Variants in HACE1 observed in about 807,000 individuals in gnomAD.
The protein encoded by HACE1 is E3 ubiquitin-protein ligase HACE1.
In HACE1, 73 loss-of-function variants were observed where a neutral mutation model predicts 118.4. The observed-to-expected ratio is 0.62, with a 90% CI of 0.51 to 0.75. The LOEUF (loss-of-function observed/expected upper bound fraction) is 0.75, where lower values mean the gene tolerates loss of function less well. Ranked by LOEUF, HACE1 falls within the 30% of genes least tolerant of loss-of-function variation. The probability of loss-of-function intolerance (pLI) is 0.00; values close to 1 mark genes in which losing one functional copy is unlikely to be tolerated. For synonymous variants in HACE1, 368 were observed against 374.8 expected, an observed-to-expected ratio of 0.98 and a Z score of 0.21; for missense variants, 749 against 1,102.2, an observed-to-expected ratio of 0.68 and a Z score of 4.54.
chr6:104,742,207 A>C (rs71570314), intron 22 of HACE1, among the ~76,000 whole-genome samples: 23,377 of 100,184 alleles, frequency 0.23, 3,988 homozygotes, highest in African/African-American at 0.5. Context: ...CCATAAAAAC[A>C]CTAGAAGAAA....
intron 19 of HACE1, among the ~76,000 whole-genome samples, chr6:104,762,184 T>G (rs1452560261): frequency 1.3e-5 from 2 of 152,126 alleles, no homozygotes; most frequent in Admixed American, 6.5e-5. Context: ...TTTGACCCAG[T>G]GATCCCATTA....
intron 12 of HACE1, 46 bp downstream of exon 12, chr6:104,784,939 A>G (rs777931614): frequency 8.6e-7 from 1 of 1,160,722 alleles, no homozygotes; most frequent in South Asian, 1.3e-5. Flanking sequence ...ACTGCTTTTC[A>G]TCATCTATCA....
At chr6:104,802,362 T>C (rs577837223) in intron 7 of HACE1, among the ~76,000 whole-genome samples, 88 of 152,238 alleles carry the variant, frequency 5.8e-4, no homozygotes, top group Admixed American at 3.1e-3. Context: ...CTGGACCAAG[T>C]GGACCTAATA....
Position 104,771,977 on chromosome 6 carries a change from G to A in HACE1, c.1962C>T (p.His654=). ...AGQILGLALN[H]RQLVNIYFTR... ...TGAAGTAAATATTGACCAGCTGCCT[G>A]TGGTTCAACGCTAATCCCAAGATCT... Residue 654 remains histidine, a synonymous_variant, in exon 18 of 24, where the codon CAC becomes CAT. Coordinates refer to ENST00000262903, the MANE Select transcript of HACE1 (RefSeq NM_020771.4). 6.2e-7 allele frequency: 1 copy of A among 1,608,022 alleles called. No individual in the cohort carries two copies.
intron 13 of HACE1, 114 bp from the exon 14 acceptor site, chr6:104,784,287 C>G (rs1582452185): frequency 1.1e-6 from 1 of 870,514 alleles, no homozygotes; most frequent in East Asian, 2.5e-5. Flanking sequence ...TAATCCATAT[C>G]TATTAAAGTT....
intron 5 of HACE1, among the ~76,000 whole-genome samples, chr6:104,840,899 G>C (rs1015350749): frequency 6.6e-6 from 1 of 152,144 alleles, no homozygotes; most frequent in Non-Finnish European, 1.5e-5. Context: ...GTAAGTGGAG[G>C]GTGCAGTGAG....
chr6:104,809,786 G>C (rs894143389), intron 7 of HACE1, among the ~76,000 whole-genome samples: 3 of 151,712 alleles, frequency 2.0e-5, no homozygotes, highest in Admixed American at 6.6e-5. Context: ...CATTAAGGTG[G>C]TTTTGGTTGA....
At chr6:104,753,215 T>A (rs961980854) in intron 19 of HACE1, among the ~76,000 whole-genome samples, 4 of 152,204 alleles carry the variant, frequency 2.6e-5, no homozygotes, top group African/African-American at 9.6e-5. Context: ...GGCTAAGGGT[T>A]CTAAGGACAG....
At chr6:104,788,158 T>C (rs1223790686) in intron 11 of HACE1, among the ~76,000 whole-genome samples, 1 of 152,126 alleles carries the variant, frequency 6.6e-6, no homozygotes, top group African/African-American at 2.4e-5. Flanking sequence ...AACCATTGCA[T>C]ACTATATCTG....
intron 4 of HACE1, 39 bp from the exon 5 acceptor site, chr6:104,843,337 A>T: frequency 1.1e-6 from 1 of 893,322 alleles, no homozygotes; most frequent in Middle Eastern, 2.1e-4. Flanking sequence ...TGGTACTTAA[A>T]AAATATATGC....
At chr6:104,857,203 AT>A (rs1776812281) in intron 1 of HACE1, among the ~76,000 whole-genome samples, 1 of 101,710 alleles carries the variant, frequency 9.8e-6, no homozygotes, top group African/African-American at 4.0e-5. Flanking sequence ...ATATATTTAC[AT>A]ATATATATAT....
chr6:104,824,168 TA>T (rs1029686483), intron 6 of HACE1, among the ~76,000 whole-genome samples: 10 of 152,212 alleles, frequency 6.6e-5, no homozygotes, highest in African/African-American at 2.4e-4. Flanking sequence ...TACTACTCCT[TA>T]ATTGGACATA....
chr6:104,841,356 A>C (rs1288036291), intron 5 of HACE1, among the ~76,000 whole-genome samples: 1 of 152,180 alleles, frequency 6.6e-6, no homozygotes, highest in East Asian at 1.9e-4. Flanking sequence ...TGCAATTAAA[A>C]CAGATTATAT....
chr6:104,790,333 A>G (rs1405025172), intron 11 of HACE1, among the ~76,000 whole-genome samples: 2 of 152,236 alleles, frequency 1.3e-5, no homozygotes, highest in Non-Finnish European at 2.9e-5. Context: ...ACACTAGTTT[A>G]GCTTTGAATT....
chr6:104,817,188 G>A (rs943747424), intron 6 of HACE1, among the ~76,000 whole-genome samples: 7 of 152,104 alleles, frequency 4.6e-5, no homozygotes, highest in African/African-American at 9.7e-5. Flanking sequence ...TTTCCAATAC[G>A]AGAAGAACAT....
At chr6:104,852,199 CTGTGTGTGTG>C (rs543674376) in intron 2 of HACE1, 108 bp downstream of exon 2, 2 of 642,220 alleles carry the variant, frequency 3.1e-6, no homozygotes, top group East Asian at 2.9e-5. Context: ...TCCAAACTGT[CTGTGTGTGTG>C]TGTGTGTGTG....
In HACE1 at chr6:104,859,699, G is replaced by A; in HGVS notation, c.-57C>T. On this transcript the variant is annotated 5_prime_UTR_variant, in exon 1 of 24. Transcript: ENST00000262903. The stretch of plus-strand genomic sequence containing the variant: ...CAGCCGCCCCACCGGCGGCCTCCGC[G>A]CCCAGAGCCCTACATCTCGCCTGGG... 2.8e-6 allele frequency: 4 copies of A among 1,440,406 alleles called. No individual in the cohort carries two copies. The highest frequency in any genetic ancestry group is 5.1e-5 in the East Asian group (2 of 38,854). The allele number at this position is 1,440,406 out of a possible 1,614,324, so 89.2% of individuals were successfully genotyped here. A position where few individuals can be genotyped will look rare whatever the true frequency, so the allele number is the denominator to read the frequency against.
At chr6:104,801,681 C>T in intron 7 of HACE1, among the ~76,000 whole-genome samples, 1 of 152,128 alleles carries the variant, frequency 6.6e-6, no homozygotes, top group Admixed American at 6.5e-5. Context: ...GATTTTGTCA[C>T]CACCAGGCCT....
At chr6:104,745,567 A>C (rs1176898094) in intron 20 of HACE1, among the ~76,000 whole-genome samples, 1 of 150,684 alleles carries the variant, frequency 6.6e-6, no homozygotes, top group Non-Finnish European at 1.5e-5. Context: ...CAGCCTCCCA[A>C]GTAGCTAGGA....
Sources: allele counts gnomAD v4.1 joint callset (sites outside exome capture counted in the v4.1 genomes callset), GRCh38; gene constraint gnomAD v4.1.1; transcripts MANE v1.5; gene names NCBI Gene and HGNC (gene_info 2026-07-23, HGNC 2026-07-21).